The following TRIM14 variants were observed in gnomAD, a reference collection of about 807,000 sequenced individuals.
The protein encoded by TRIM14 is tripartite motif-containing protein 14.
Under a neutral mutation model 44.5 loss-of-function variants are expected in TRIM14, and 28 were observed. The ratio of observed to expected loss-of-function variants is 0.63; its 90% CI spans 0.47 to 0.86. TRIM14 has a LOEUF of 0.86. Among genes scored for constraint, TRIM14 ranks in the 40% least tolerant of loss-of-function variants. TRIM14 has a pLI of 0.00. For missense variants in TRIM14, 607 were observed against 611.1 expected, an observed-to-expected ratio of 0.99 and a Z score of 0.07; for synonymous variants, 299 against 269.2, an observed-to-expected ratio of 1.11 and a Z score of -1.08.
intron 5 of TRIM14, 96 bp downstream of exon 5, chr9:98,091,804 TTCTAATGAG>T: frequency 1.8e-5 from 12 of 656,450 alleles, no homozygotes; most frequent in Non-Finnish European, 2.8e-5. Context: ...AATAAATAAA[TTCTAATGAG>T]AAAAAAAGAG....
the TRIM14 span, among the ~76,000 whole-genome samples, chr9:98,035,948 C>T: frequency 6.6e-6 from 1 of 152,144 alleles, no homozygotes; most frequent in African/African-American, 2.4e-5. Context: ...TGGTGGCTCA[C>T]GGCTGTAATC....
At chr9:98,073,529 C>T (rs1353566890) in intron 6 of TRIM14, among the ~76,000 whole-genome samples, 4 of 151,134 alleles carry the variant, frequency 2.6e-5, no homozygotes, top group African/African-American at 4.9e-5. Context: ...GTGATCTGCC[C>T]GCCACGGCCT....
At chr9:98,099,227 C>T (rs1016555387) in intron 3 of TRIM14, among the ~76,000 whole-genome samples, 9 of 151,774 alleles carry the variant, frequency 5.9e-5, no homozygotes, top group Non-Finnish European at 1.5e-5. Context: ...CTGAGGTGGG[C>T]GGATCACCTG....
At chr9:98,036,500 G>GAA in the TRIM14 span, among the ~76,000 whole-genome samples, 55 of 102,528 alleles carry the variant, frequency 5.4e-4, 1 homozygote, top group African/African-American at 1.7e-3. Context: ...GACTCCATCT[G>GAA]AAAAAAAAAA....
chr9:98,052,899 T>G, the TRIM14 span, among the ~76,000 whole-genome samples: 2 of 152,216 alleles, frequency 1.3e-5, no homozygotes, highest in East Asian at 3.8e-4. Flanking sequence ...TTAATACATT[T>G]TAACTAAGGT....
chr9:98,071,912 G>A (rs1421209480), intron 6 of TRIM14, among the ~76,000 whole-genome samples: 1 of 152,220 alleles, frequency 6.6e-6, no homozygotes, highest in South Asian at 2.1e-4. Context: ...CTGCCAAGGC[G>A]GAGTCACTTC....
At chr9:98,046,250 A>G in the TRIM14 span, among the ~76,000 whole-genome samples, 4 of 152,108 alleles carry the variant, frequency 2.6e-5, no homozygotes, top group African/African-American at 9.7e-5. Flanking sequence ...GTTCCTTCTG[A>G]CTTATACATG....
the TRIM14 span, among the ~76,000 whole-genome samples, chr9:98,056,455 A>C: frequency 6.7e-6 from 1 of 148,926 alleles, no homozygotes; most frequent in South Asian, 2.1e-4. Context: ...CTGCGCAGGC[A>C]GCCGTCCGCC....
chr9:98,078,079 TAA>T, intron 6 of TRIM14: 1 of 1,483,302 alleles, frequency 6.7e-7, no homozygotes, highest in African/African-American at 1.4e-5. Context: ...CACAGTGTTT[TAA>T]GAGATGTCTG....
chr9:98,065,020 C>A (rs1587907893), downstream of TRIM14, among the ~76,000 whole-genome samples: 1 of 152,180 alleles, frequency 6.6e-6, no homozygotes, highest in Admixed American at 6.6e-5. Context: ...GCAGGGGCCT[C>A]ACTCTGCATC....
chr9:98,042,819 G>A, the TRIM14 span, among the ~76,000 whole-genome samples: 1 of 150,502 alleles, frequency 6.6e-6, no homozygotes, highest in Non-Finnish European at 1.5e-5. Context: ...GCAGTGAGCC[G>A]AGATCACGCC....
intron 2 of TRIM14, among the ~76,000 whole-genome samples, chr9:98,101,680 C>CA (rs1453599243): frequency 6.6e-6 from 1 of 151,880 alleles, no homozygotes; most frequent in Admixed American, 6.6e-5. Context: ...CTTGGTCCCC[C>CA]AAAGTGCTGG....
At chr9:98,108,371 C>T (rs189347548) in intron 2 of TRIM14, among the ~76,000 whole-genome samples, 1 of 152,256 alleles carries the variant, frequency 6.6e-6, no homozygotes, top group East Asian at 1.9e-4. Context: ...TGTAAACTTT[C>T]TTAAAACATC....
chr9:98,077,143 A>G, intron 6 of TRIM14: 1 of 712,582 alleles, frequency 1.4e-6, no homozygotes, highest in South Asian at 2.0e-5. Context: ...CATTTTTTTA[A>G]ATAGAGATAG....
chr9:98,087,782 C>A lies in TRIM14; in HGVS notation c.1017G>T (p.Ala339=). The A allele has an allele frequency of 1.3e-6, 2 of 1,504,908 alleles. No individual in the cohort carries two copies. Among genetic ancestry groups the A allele is most frequent in the Admixed American group, 2.3e-5 (1 of 43,300 alleles). The allele number at this position is 1,504,908 out of a possible 1,614,324, so 93.2% of individuals were successfully genotyped here. A position where few individuals can be genotyped will look rare whatever the true frequency, so the allele number is the denominator to read the frequency against. The part of the protein sequence containing the change: ...QEAGAGWWVG[A]AYASLRRRGA... ...CGCGGCGCCGAAGGGAGGCGTAGGCCGCGCCCACCCACCAGCCGGCGCCCG... is the reference window on the plus strand; with the variant it reads ...CGCGGCGCCGAAGGGAGGCGTAGGCAGCGCCCACCCACCAGCCGGCGCCCG... Residue 339 remains alanine (A), a synonymous_variant, in exon 6 of 6, where the codon GCG becomes GCT. Coordinates refer to ENST00000341469, the MANE Select transcript of TRIM14 (RefSeq NM_014788.4).
Position 98,084,965 on chromosome 9 carries a change from C to G in TRIM14, c.*2505G>C, listed in dbSNP as rs946935317. 6 of 152,144 alleles carry G rather than the reference C, an allele frequency of 3.9e-5. No individual in the cohort carries two copies. The highest frequency in any genetic ancestry group is 1.2e-4 in the African/African-American group (5 of 41,408). The allele number at this position is 152,144 out of a possible 1,614,324, so 9.4% of individuals were successfully genotyped here. A position where few individuals can be genotyped will look rare whatever the true frequency, so the allele number is the denominator to read the frequency against. On this transcript the variant is annotated 3_prime_UTR_variant, in exon 6 of 6. Coordinates refer to ENST00000341469, the MANE Select transcript of TRIM14 (RefSeq NM_014788.4). ...CACTGAGAAGTAAAAAGTGACTAGC[C>G]CTGGTCACACAATTGATATGGACTG...
chr9:98,093,265 G>A (rs1256935256), intron 4 of TRIM14, among the ~76,000 whole-genome samples: 1 of 151,976 alleles, frequency 6.6e-6, no homozygotes, highest in Non-Finnish European at 1.5e-5. Flanking sequence ...CACTCCCATC[G>A]CGCCTCAGGA....
intron 4 of TRIM14, 27 bp from the exon 5 acceptor site, chr9:98,092,028 G>T (rs369115179): frequency 7.7e-6 from 12 of 1,552,440 alleles, no homozygotes; most frequent in Middle Eastern, 1.7e-4. Flanking sequence ...AGAAATGAGC[G>T]CCCGGAGCTT....
the TRIM14 span, among the ~76,000 whole-genome samples, chr9:98,059,733 T>G: frequency 1.3e-5 from 2 of 151,902 alleles, no homozygotes; most frequent in Admixed American, 6.6e-5. Context: ...GTTTTTTGTT[T>G]TTTTTTTTTT....
Sources: allele counts gnomAD v4.1 joint callset (sites outside exome capture counted in the v4.1 genomes callset), GRCh38; gene constraint gnomAD v4.1.1; transcripts MANE v1.5; gene names NCBI Gene and HGNC (gene_info 2026-07-23, HGNC 2026-07-21).